FRY: variants seen among roughly 807,000 people sequenced by gnomAD.
The protein encoded by FRY is FRY microtubule binding protein.
In FRY, 128 loss-of-function variants were observed where a neutral mutation model predicts 348.4. The observed-to-expected ratio is 0.37, with a 90% CI of 0.32 to 0.43. FRY has a LOEUF of 0.43. Among genes scored for constraint, FRY ranks in the 20% least tolerant of loss-of-function variants. FRY has a pLI of 1.00. For missense variants in FRY, 2,736 were observed against 3,695.2 expected, an observed-to-expected ratio of 0.74 and a Z score of 6.73; for synonymous variants, 1,370 against 1,374.7, an observed-to-expected ratio of 1.00 and a Z score of 0.08.
chr13:32,200,909 T>A (rs1210271090), intron 29 of FRY, among the ~76,000 whole-genome samples: 2 of 152,122 alleles, frequency 1.3e-5, no homozygotes, highest in East Asian at 3.9e-4. Flanking sequence ...CCAGCCCTCA[T>A]CAGTTCCCAT....
intron 16 of FRY, among the ~76,000 whole-genome samples, chr13:32,159,469 A>C (rs1209350111): frequency 6.6e-6 from 1 of 152,208 alleles, no homozygotes; most frequent in Non-Finnish European, 1.5e-5. Flanking sequence ...ACAAAAAAAG[A>C]AAGAAAGGAA....
chr13:32,086,589 C>A (rs569653515), intron 2 of FRY, among the ~76,000 whole-genome samples: 2 of 152,146 alleles, frequency 1.3e-5, no homozygotes, highest in African/African-American at 4.8e-5. Flanking sequence ...GCCAGGAATT[C>A]CATCTGGATC....
rs546096559 is a variant in FRY at position 32,097,578 on chromosome 13, C to T, written c.271-4385C>T. Among the ~76,000 whole-genome samples, 18 of 152,020 alleles carry T rather than the reference C, an allele frequency of 1.2e-4. No individual in the cohort carries two copies. In the South Asian group the frequency reaches 3.7e-3, roughly 32 times the overall value. On this transcript the variant is annotated intron_variant, in intron 2 of 60. Coordinates refer to ENST00000542859, the MANE Select transcript of FRY (RefSeq NM_023037.3). ...GTTTCACCATGTTGGCCAGGCTGGT[C>T]TCGAATTCCCAACATCAGGTGATCT...
Position 32,294,352 on chromosome 13 carries a change from A to T in FRY, c.8581-16A>T, listed in dbSNP as rs770430932. 27 of 1,579,990 alleles carry T rather than the reference A, an allele frequency of 1.7e-5. No individual in the cohort carries two copies. Among genetic ancestry groups the T allele is most frequent in the Admixed American group, 1.0e-4 (6 of 59,746 alleles). On this transcript the variant is annotated splice_polypyrimidine_tract_variant and intron_variant, in intron 59 of 60. Coordinates refer to ENST00000542859, the MANE Select transcript of FRY (RefSeq NM_023037.3). ...AGCACCTAAATATAGTTTAAAAAAC[A>T]TTTTTTTTTAAATAGCTGCTGAATA...
At chr13:32,065,736 A>G (rs564696884) in intron 1 of FRY, among the ~76,000 whole-genome samples, 180 of 152,090 alleles carry the variant, frequency 1.2e-3, no homozygotes, top group Non-Finnish European at 2.0e-3. Flanking sequence ...AGTAGCTAAG[A>G]CTGCAGATGT....
At chr13:32,117,795 T>G (rs55999943) in intron 4 of FRY, among the ~76,000 whole-genome samples, 12,161 of 152,300 alleles carry the variant, frequency 0.08, 515 homozygotes, top group African/African-American at 0.13. Flanking sequence ...AATGCTGACT[T>G]CAGGCCTTGC....
chr13:32,173,869 T>A (rs1882229502), intron 19 of FRY, among the ~76,000 whole-genome samples: 1 of 152,230 alleles, frequency 6.6e-6, no homozygotes, highest in Non-Finnish European at 1.5e-5. Context: ...AAGAAGATAT[T>A]ATTACTTTAT....
chr13:32,062,645 G>A (rs1478993027), intron 1 of FRY, among the ~76,000 whole-genome samples: 1 of 151,998 alleles, frequency 6.6e-6, no homozygotes, highest in East Asian at 1.9e-4. Context: ...TTTTAAATGA[G>A]CTGGTATCTA....
chr13:32,053,914 C>G (rs1873481606), intron 1 of FRY, among the ~76,000 whole-genome samples: 1 of 152,122 alleles, frequency 6.6e-6, no homozygotes, highest in African/African-American at 2.4e-5. Flanking sequence ...CGCTTGAACC[C>G]AGGATGCGGA....
At position 32,251,775 on chromosome 13, in the gene FRY, T is replaced by C. The variant is rs190551349; in HGVS notation, c.7171-103T>C. 2.8e-5 allele frequency: 22 copies of C among 780,084 alleles called. No homozygotes were observed. In the East Asian group the frequency reaches 5.1e-4, roughly 18 times the overall value. The allele number at this position is 780,084 out of a possible 1,614,324, so 48.3% of individuals were successfully genotyped here. A position where few individuals can be genotyped will look rare whatever the true frequency, so the allele number is the denominator to read the frequency against. ...TGTGTATTTTACATTTCATTCTGTC[T>C]ATACGTTAAGTGCTATTGCCCTGTA... On this transcript the variant is annotated intron_variant, in intron 49 of 60. Coordinates refer to ENST00000542859, the MANE Select transcript of FRY (RefSeq NM_023037.3).
At chr13:32,212,870 T>A (rs1487448065) in intron 35 of FRY, among the ~76,000 whole-genome samples, 1 of 152,126 alleles carries the variant, frequency 6.6e-6, no homozygotes, top group Middle Eastern at 3.2e-3. Flanking sequence ...TCCCTCCACA[T>A]TAGCTCTTTA....
chr13:32,213,690 G>A (rs1409514242), intron 35 of FRY, among the ~76,000 whole-genome samples: 1 of 152,104 alleles, frequency 6.6e-6, no homozygotes, highest in Non-Finnish European at 1.5e-5. Flanking sequence ...TAACATTCTT[G>A]ATCATTTATT....
At chr13:32,159,749 A>G (rs205006) in intron 16 of FRY, among the ~76,000 whole-genome samples, 105,068 of 152,082 alleles carry the variant, frequency 0.69, 36,737 homozygotes, top group East Asian at 0.98. Context: ...AGCTGTTAAA[A>G]ACATCTGGTG....
chr13:32,038,320 GGTAA>G (rs1409810159), intron 1 of FRY: 4 of 152,098 alleles, frequency 2.6e-5, no homozygotes, highest in Non-Finnish European at 5.9e-5. Context: ...GAAATACAGA[GGTAA>G]GTCTGTCCAA....
At chr13:32,219,493 T>G (rs1885197923) in intron 36 of FRY, among the ~76,000 whole-genome samples, 1 of 143,744 alleles carries the variant, frequency 7.0e-6, no homozygotes, top group African/African-American at 2.5e-5. Flanking sequence ...GCGCGGTGGC[T>G]CACGCCTGTA....
chr13:32,224,028 T>C (rs1292897724), intron 36 of FRY, among the ~76,000 whole-genome samples: 1 of 152,082 alleles, frequency 6.6e-6, no homozygotes, highest in Non-Finnish European at 1.5e-5. Flanking sequence ...TGAGCCACTG[T>C]AACCAGCCCT....
At chr13:32,135,257 G>C in intron 10 of FRY, 74 bp downstream of exon 10, 1 of 944,382 alleles carries the variant, frequency 1.1e-6, no homozygotes, top group Non-Finnish European at 1.7e-6. Flanking sequence ...GAATCTGTTT[G>C]AGGATCCTAA....
chr13:32,295,169 G>T, intron 60 of FRY, 33 bp from the exon 61 acceptor site: 8 of 1,609,258 alleles, frequency 5.0e-6, no homozygotes, highest in Non-Finnish European at 5.9e-6. Context: ...GACTAATAGT[G>T]CCTCTAATCT....
rs1355140003 is a variant in FRY at position 32,274,982 on chromosome 13, T to C, written c.8277T>C (p.Asp2759=). ...CTGAATGTCCTACACTTTTTGTGGA[T>C]GCCGAGACTGTGAGTATCCCAGTCC... ...SCSECPTLFV[D]AETLLSCGLL... is the part of the protein sequence containing the mutation. The change falls in exon 56 of 61, where the codon GAT becomes GAC. Residue 2759 remains aspartate, a synonymous_variant. Coordinates refer to ENST00000542859, the MANE Select transcript of FRY (RefSeq NM_023037.3). The C allele has an allele frequency of 3.1e-6, 5 of 1,613,746 alleles. No homozygotes were observed. Among genetic ancestry groups the C allele is most frequent in the Non-Finnish European group, 4.2e-6 (5 of 1,179,810 alleles).
Sources: allele counts gnomAD v4.1 joint callset (sites outside exome capture counted in the v4.1 genomes callset), GRCh38; gene constraint gnomAD v4.1.1; transcripts MANE v1.5; gene names NCBI Gene and HGNC (gene_info 2026-07-23, HGNC 2026-07-21).